SND1: variants seen among roughly 807,000 people sequenced by gnomAD.
SND1 encodes the protein staphylococcal nuclease and tudor domain containing 1.
A neutral mutation model predicts 121.7 loss-of-function variants in SND1; 38 were observed. The ratio of observed to expected loss-of-function variants is 0.31; its 90% confidence interval spans 0.24 to 0.41. SND1 has a LOEUF of 0.41. Among genes scored for constraint, SND1 ranks in the 10% least tolerant of loss-of-function variants. The pLI is 1.00. For missense variants in SND1, 868 were observed against 1,184.6 expected (o/e 0.73, Z 3.92); for synonymous variants, 401 against 447.4 (o/e 0.90, Z 1.31).
At chr7:127,692,960 G>A (rs911704402) in intron 2 of SND1, among the ~76,000 whole-genome samples, 3 of 152,192 alleles carry the variant, frequency 2.0e-5, no homozygotes, top group Non-Finnish European at 4.4e-5. Flanking sequence ...ATTTTCCTGT[G>A]AACTGACCTT....
At chr7:127,961,340 T>G (rs1801726411) in intron 15 of SND1, among the ~76,000 whole-genome samples, 1 of 152,244 alleles carries the variant, frequency 6.6e-6, no homozygotes, top group East Asian at 1.9e-4. Context: ...TTTACTTACA[T>G]ATTTTCTTCT....
intron 12 of SND1, among the ~76,000 whole-genome samples, chr7:127,864,475 G>T (rs562256980): frequency 6.6e-6 from 1 of 151,966 alleles, no homozygotes; most frequent in South Asian, 2.1e-4. Flanking sequence ...GTTTTTCTGG[G>T]TGTCTGATTC....
Position 127,878,206 on chromosome 7 carries a change from C to T in SND1, c.1344-9696C>T, listed in dbSNP as rs1006450317. ...CATTAATGCACAGTCATTGTTCCCA[C>T]GAGTTCTTGATTTTTGTATCTCCAG... On this transcript the variant is annotated intron_variant, in intron 12 of 23. Transcript: ENST00000354725. Among the ~76,000 whole-genome samples, 8 of 152,266 alleles carry T rather than the reference C, an allele frequency of 5.3e-5. No individual in the cohort carries two copies. In the South Asian group the frequency reaches 1.0e-3, roughly 20 times the overall value.
chr7:127,973,346 G>A (rs1348653495), intron 15 of SND1, among the ~76,000 whole-genome samples: 2 of 152,212 alleles, frequency 1.3e-5, no homozygotes, highest in African/African-American at 2.4e-5. Context: ...TGGAAGCACA[G>A]AGAGCAAATG....
Position 127,994,356 on chromosome 7 carries a change from C to T in SND1, c.1779+3300C>T, listed in dbSNP as rs139914735. 5.3e-3 allele frequency among the ~76,000 whole-genome samples: 808 copies of T among 152,010 alleles called. 4 individuals are homozygous for T. The highest frequency in any genetic ancestry group is 9.2e-3 in the Non-Finnish European group (627 of 67,958). On this transcript the variant is annotated intron_variant, in intron 16 of 23. Transcript: ENST00000354725. Reference sequence around the variant, plus strand: ...GTTGCTCCTCCTTAGCCATTGGTTCCTGTTGGCTTTTGTTCTTTTACCTGA... The same window carrying T: ...GTTGCTCCTCCTTAGCCATTGGTTCTTGTTGGCTTTTGTTCTTTTACCTGA...
chr7:127,733,189 T>C (rs1204672589), intron 10 of SND1, among the ~76,000 whole-genome samples: 3 of 152,214 alleles, frequency 2.0e-5, no homozygotes, highest in African/African-American at 7.2e-5. Context: ...TTAGTTTTAT[T>C]TCCCCTTTTC....
intron 13 of SND1, among the ~76,000 whole-genome samples, chr7:127,896,709 T>A (rs948196189): frequency 6.6e-6 from 1 of 152,154 alleles, no homozygotes; most frequent in South Asian, 2.1e-4. Flanking sequence ...TTCTATAGTA[T>A]GTCCCAGCTC....
At chr7:127,721,019 A>C (rs1034930036) in intron 9 of SND1, among the ~76,000 whole-genome samples, 36 of 152,328 alleles carry the variant, frequency 2.4e-4, no homozygotes, top group East Asian at 1.9e-4. Context: ...TGAACCACAA[A>C]TCTTTGTCAG....
intron 16 of SND1, among the ~76,000 whole-genome samples, chr7:127,994,429 G>A (rs1341349266): frequency 6.6e-6 from 1 of 151,714 alleles, no homozygotes; most frequent in Non-Finnish European, 1.5e-5. Flanking sequence ...TGGGCATTCT[G>A]GTGGTGCTGC....
intron 11 of SND1, among the ~76,000 whole-genome samples, chr7:127,818,267 T>C (rs1303560984): frequency 6.6e-6 from 1 of 152,186 alleles, no homozygotes; most frequent in African/African-American, 2.4e-5. Context: ...CTCCATCTGA[T>C]TGGCAGCATG....
chr7:127,781,744 T>C (rs1306604370), intron 10 of SND1, among the ~76,000 whole-genome samples: 2 of 152,312 alleles, frequency 1.3e-5, no homozygotes, highest in East Asian at 3.9e-4. Context: ...CCTTCTGTTA[T>C]TAATAATTAA....
At chr7:128,040,437 TAAA>T (rs67595921) in intron 16 of SND1, among the ~76,000 whole-genome samples, 1 of 32,868 alleles carries the variant, frequency 3.0e-5, no homozygotes, top group African/African-American at 1.2e-4. Context: ...GTCCTATCTT[TAAA>T]AAAAAAAAAA....
chr7:127,908,166 C>T (rs1800378177), intron 14 of SND1, among the ~76,000 whole-genome samples: 1 of 151,914 alleles, frequency 6.6e-6, no homozygotes, highest in African/African-American at 2.4e-5. Context: ...AAATTTGGCC[C>T]TCTAGACCGG....
chr7:127,681,529 T>G (rs1190450141), intron 1 of SND1, among the ~76,000 whole-genome samples: 1 of 152,196 alleles, frequency 6.6e-6, no homozygotes, highest in Non-Finnish European at 1.5e-5. Flanking sequence ...GTTGCTTGTG[T>G]TTTTGGTGTC....
chr7:127,654,024 G>T (rs1041872566), intron 1 of SND1, among the ~76,000 whole-genome samples: 2 of 152,192 alleles, frequency 1.3e-5, no homozygotes, highest in African/African-American at 4.8e-5. Flanking sequence ...CTCCGGTGTT[G>T]GGTTTGGCAG....
chr7:127,862,324 G>A (rs563400030), intron 12 of SND1, among the ~76,000 whole-genome samples: 6 of 152,254 alleles, frequency 3.9e-5, no homozygotes, highest in Non-Finnish European at 7.4e-5. Context: ...CAGGACTCTC[G>A]TCTCCCTCTT....
At chr7:127,759,469 C>T (rs1289707993) in intron 10 of SND1, among the ~76,000 whole-genome samples, 2 of 152,098 alleles carry the variant, frequency 1.3e-5, no homozygotes, top group Non-Finnish European at 2.9e-5. Flanking sequence ...CTTCTTTGAT[C>T]CATTTCTTGC....
Position 127,678,382 on chromosome 7 carries a change from C to T in SND1, c.79-8231C>T, listed in dbSNP as rs145570251. Among the ~76,000 whole-genome samples, 496 of 152,286 alleles carry T rather than the reference C, an allele frequency of 3.3e-3. 2 individuals are homozygous for T. The highest frequency in any genetic ancestry group is 4.9e-3 in the Non-Finnish European group (333 of 68,018). On this transcript the variant is annotated intron_variant, in intron 1 of 23. Coordinates refer to ENST00000354725, the MANE Select transcript of SND1 (RefSeq NM_014390.4). ...ATTTAAACTCCGTATATGTAAACTG[C>T]GGCCCGATTTTTGGCACAGTTGGCT...
chr7:127,785,648 G>C lies in SND1; in HGVS notation c.1153-21836G>C, dbSNP rs533751928. Reference sequence around the variant, plus strand: ...TTGAATTGATTCTTAGTGTTTATTTGCAAAACCTCAAATGTGTATCTAAAG... The same window carrying C: ...TTGAATTGATTCTTAGTGTTTATTTCCAAAACCTCAAATGTGTATCTAAAG... On this transcript the variant is annotated intron_variant, in intron 10 of 23. Coordinates refer to ENST00000354725, the MANE Select transcript of SND1 (RefSeq NM_014390.4). 7.9e-5 allele frequency among the ~76,000 whole-genome samples: 12 copies of C among 152,228 alleles called. No homozygotes were observed. The South Asian group carries it at 2.5e-3, about 32-fold the overall frequency.
Sources: gnomAD v4.1 joint callset for allele counts (sites outside exome capture counted in the v4.1 genomes callset) on GRCh38, gnomAD v4.1.1 for gene constraint, MANE v1.5 for transcripts, NCBI Gene and HGNC (gene_info 2026-07-23, HGNC 2026-07-21) for gene names.